Variants in XKR9 observed in about 807,000 individuals in gnomAD.
XKR9 encodes XK-related protein 9.
Under a neutral mutation model 32.0 loss-of-function variants are expected in XKR9, and 32 were observed. That is an observed-to-expected ratio of 1.00 (90% confidence interval 0.76 to 1.34). The LOEUF (loss-of-function observed/expected upper bound fraction) is 1.34. XKR9 is among the 40% of genes most tolerant of loss of function. The probability of loss-of-function intolerance (pLI) is 0.00; values close to 1 mark genes in which losing one functional copy is unlikely to be tolerated. For synonymous variants in XKR9, 168 were observed against 143.4 expected (o/e 1.17, Z -1.22); for missense variants, 546 against 429.7 (o/e 1.27, Z -2.39).
chr8:70,819,111 A>G, the XKR9 span, among the ~76,000 whole-genome samples: 1 of 152,240 alleles, frequency 6.6e-6, no homozygotes, highest in African/African-American at 2.4e-5. Context: ...TGGTTGCACA[A>G]GGAACAGCAG....
chr8:70,708,404 G>A (rs1328376032), intron 4 of XKR9, among the ~76,000 whole-genome samples: 3 of 151,942 alleles, frequency 2.0e-5, no homozygotes, highest in African/African-American at 7.2e-5. Flanking sequence ...GGAAATTGAG[G>A]TAAGTTATTT....
chr8:70,734,285 C>G lies in XKR9; in HGVS notation c.983C>G (p.Thr328Ser). Residue 328 changes from threonine (T) to serine (S), a missense_variant, in exon 5 of 5, where the codon ACT becomes AGT. By Grantham distance (58) the Thr-to-Ser change is moderately conservative. Coordinates refer to ENST00000408926, the MANE Select transcript of XKR9 (RefSeq NM_001011720.2). ...CCTATCAGTATAACTATAGTTCTTA[C>G]TCTTCTTCTTGGAATTCTTTTTCTT... ...FIPISITIVL[T>S]LLLGILFLIV... The G allele has an allele frequency of 2.5e-6, 4 of 1,612,728 alleles. No homozygotes were observed. Among genetic ancestry groups the G allele is most frequent in the East Asian group, 2.2e-5 (1 of 44,784 alleles).
At chr8:70,908,176 A>G in the XKR9 span, among the ~76,000 whole-genome samples, 1 of 149,208 alleles carries the variant, frequency 6.7e-6, no homozygotes. Context: ...ATGAGGAGTA[A>G]TTAATTCATG....
At chr8:70,876,248 G>T in the XKR9 span, among the ~76,000 whole-genome samples, 5 of 118,726 alleles carry the variant, frequency 4.2e-5, no homozygotes, top group Admixed American at 3.2e-4. Flanking sequence ...TTGAGATGAA[G>T]TCTTGCCCAG....
the XKR9 span, among the ~76,000 whole-genome samples, chr8:71,033,446 C>T: frequency 2.0e-5 from 3 of 152,156 alleles, no homozygotes; most frequent in Non-Finnish European, 4.4e-5. Flanking sequence ...TAGTAGTGCT[C>T]TCATCACTGC....
chr8:70,922,684 G>A, the XKR9 span, among the ~76,000 whole-genome samples: 14 of 152,176 alleles, frequency 9.2e-5, no homozygotes, highest in Non-Finnish European at 1.0e-4. Flanking sequence ...ACAATAACAG[G>A]ATGCTCACAG....
chr8:70,677,977 G>A (rs1304551245), intron 2 of XKR9: 1 of 152,144 alleles, frequency 6.6e-6, no homozygotes, highest in Non-Finnish European at 1.5e-5. Flanking sequence ...ATATCCAGTA[G>A]AACCATGCTA....
the XKR9 span, among the ~76,000 whole-genome samples, chr8:70,795,568 A>G: frequency 6.6e-6 from 1 of 152,322 alleles, no homozygotes; most frequent in South Asian, 2.1e-4. Flanking sequence ...AACGTCTTCC[A>G]TAATGGTTGA....
chr8:70,962,781 T>C, the XKR9 span, among the ~76,000 whole-genome samples: 9 of 152,214 alleles, frequency 5.9e-5, no homozygotes, highest in Admixed American at 5.9e-4. Context: ...AAATGAAGGA[T>C]GTCCCTTATT....
intron 2 of XKR9, among the ~76,000 whole-genome samples, chr8:70,786,585 T>C (rs931878084): frequency 2.7e-4 from 41 of 152,158 alleles, no homozygotes; most frequent in African/African-American, 8.4e-4. Context: ...GATATAAGTA[T>C]AGCTAACACT....
the XKR9 span, among the ~76,000 whole-genome samples, chr8:70,914,598 AT>A: frequency 6.6e-6 from 1 of 152,020 alleles, no homozygotes; most frequent in Non-Finnish European, 1.5e-5. Flanking sequence ...AATTTGTAGG[AT>A]TTCTGTATAC....
chr8:70,824,291 T>G, the XKR9 span, among the ~76,000 whole-genome samples: 2 of 152,160 alleles, frequency 1.3e-5, no homozygotes, highest in South Asian at 4.1e-4. Context: ...TAAGTTATTT[T>G]TAGCAGAATT....
At chr8:70,848,054 G>A in the XKR9 span, among the ~76,000 whole-genome samples, 1 of 152,022 alleles carries the variant, frequency 6.6e-6, no homozygotes, top group Non-Finnish European at 1.5e-5. Context: ...GAAATTAGAT[G>A]CAAAAATTCT....
At chr8:70,844,075 C>T in the XKR9 span, among the ~76,000 whole-genome samples, 7 of 152,318 alleles carry the variant, frequency 4.6e-5, no homozygotes, top group South Asian at 4.1e-4. Context: ...TTACCAAGGA[C>T]GATGTCCCCA....
At chr8:70,733,600 G>A (rs1250726471) in intron 4 of XKR9, among the ~76,000 whole-genome samples, 196 bp from the exon 5 acceptor site, 1 of 151,930 alleles carries the variant, frequency 6.6e-6, no homozygotes, top group South Asian at 2.1e-4. Flanking sequence ...TTTGCAACTT[G>A]GGTCAAGCAG....
intron 2 of XKR9, among the ~76,000 whole-genome samples, chr8:70,778,555 T>C (rs77379759): frequency 0.68 from 102,778 of 152,028 alleles, 35,263 homozygotes; most frequent in Admixed American, 0.74. Flanking sequence ...ACCATTTTCA[T>C]GATATTGATT....
At chr8:71,025,173 T>C in the XKR9 span, among the ~76,000 whole-genome samples, 21 of 136,946 alleles carry the variant, frequency 1.5e-4, no homozygotes, top group Non-Finnish European at 5.0e-5. Flanking sequence ...GGCAGGCTGA[T>C]TACAGAGCTC....
At chr8:70,832,327 C>T in the XKR9 span, among the ~76,000 whole-genome samples, 1 of 151,988 alleles carries the variant, frequency 6.6e-6, no homozygotes, top group Non-Finnish European at 1.5e-5. Context: ...TCTTTTCTTT[C>T]TTTTTAGGAG....
At chr8:70,904,095 G>A in the XKR9 span, among the ~76,000 whole-genome samples, 1 of 152,192 alleles carries the variant, frequency 6.6e-6, no homozygotes, top group Non-Finnish European at 1.5e-5. Context: ...TGTATACTCT[G>A]TTGATTTAGG....
Sources: gnomAD v4.1 joint callset for allele counts (sites outside exome capture counted in the v4.1 genomes callset) on GRCh38, gnomAD v4.1.1 for gene constraint, MANE v1.5 for transcripts, NCBI Gene and HGNC (gene_info 2026-07-23, HGNC 2026-07-21) for gene names.